Variants in SNX13 observed in about 807,000 individuals in gnomAD.
SNX13 encodes the protein sorting nexin-13.
A neutral mutation model predicts 133.6 loss-of-function variants in SNX13; 45 were observed. The observed-to-expected ratio is 0.34, with a 90% CI of 0.27 to 0.43. The LOEUF (loss-of-function observed/expected upper bound fraction) is 0.43, where lower values mean the gene tolerates loss of function less well. Among genes scored for constraint, SNX13 ranks in the 20% least tolerant of loss-of-function variants. The pLI is 1.00. For missense variants in SNX13, 1,032 were observed against 1,145.1 expected (o/e 0.90, Z 1.43); for synonymous variants, 414 against 373.9 (o/e 1.11, Z -1.24).
rs57618763 is a variant in SNX13, at chr7:17,877,045, G to GAAAAAAA, written c.441-1262_441-1256dup. ...GCTGACTTAATTACTGTTACTTTTT[G>GAAAAAAA]AAAAAAAAAAAAAAAAAAAAAAAGC... is the stretch of plus-strand genomic sequence containing the variant. On this transcript the variant is annotated intron_variant, in intron 5 of 25. Transcript: ENST00000428135. 3.3e-5 allele frequency among the ~76,000 whole-genome samples: 2 copies of GAAAAAAA among 60,064 alleles called. 1 individual carries two copies. Among genetic ancestry groups the GAAAAAAA allele is most frequent in the East Asian group, 8.6e-4 (2 of 2,324 alleles). The allele number at this position is 60,064 out of a possible 152,430, so 39.4% of individuals were successfully genotyped here. A position where few individuals can be genotyped will look rare whatever the true frequency, so the allele number is the denominator to read the frequency against.
rs1362874800 is a variant in SNX13 at position 17,839,822 on chromosome 7, C to G, written c.1344G>C (p.Gln448His). 18 of 1,608,408 alleles carry G rather than the reference C, an allele frequency of 1.1e-5. No individual in the cohort carries two copies. The highest frequency in any genetic ancestry group is 1.4e-5 in the Non-Finnish European group (17 of 1,177,028). The change falls in exon 13 of 26, where the codon CAG (glutamine) becomes CAC (histidine). Residue 448 changes from glutamine to histidine, a missense_variant. Gln to His is a conservative substitution (Grantham distance 24). Coordinates refer to ENST00000428135, the MANE Select transcript of SNX13 (RefSeq NM_015132.5). ...LRAAAVGIYE[Q>H]YLSEKASPRV... ...ACAGCCTCACCTTTTCTGATAAATACTGTTCATAAATTCCAACAGCAGCTG... is the reference window on the plus strand; with the variant it reads ...ACAGCCTCACCTTTTCTGATAAATAGTGTTCATAAATTCCAACAGCAGCTG...
chr7:17,834,455 C>T (rs1370999869), intron 14 of SNX13, among the ~76,000 whole-genome samples: 2 of 151,772 alleles, frequency 1.3e-5, no homozygotes, highest in African/African-American at 4.8e-5. Flanking sequence ...AGGTTCAAGG[C>T]TCATGTTAAA....
chr7:17,812,833 A>G (rs1181052868), intron 20 of SNX13, among the ~76,000 whole-genome samples: 8 of 152,216 alleles, frequency 5.3e-5, no homozygotes, highest in Admixed American at 6.5e-5. Context: ...GGATGAGTTC[A>G]TGTCCTTTAC....
At chr7:17,876,049 G>A (rs982316342) in intron 5 of SNX13, among the ~76,000 whole-genome samples, 10 of 152,106 alleles carry the variant, frequency 6.6e-5, no homozygotes, top group Non-Finnish European at 1.5e-4. Flanking sequence ...GTTTAAAATA[G>A]AAAAAGAAAT....
At chr7:17,799,757 T>C (rs1046898279) in intron 22 of SNX13, among the ~76,000 whole-genome samples, 11 of 151,796 alleles carry the variant, frequency 7.2e-5, no homozygotes, top group Middle Eastern at 3.4e-3. Context: ...TATGGGAGTA[T>C]ACAACCACTA....
Position 17,940,316 on chromosome 7 carries a change from A to G in SNX13, c.-21T>C. 1 of 1,564,748 alleles carries G rather than the reference A, an allele frequency of 6.4e-7. No individual in the cohort carries two copies. Among genetic ancestry groups the G allele is most frequent in the Non-Finnish European group, 8.7e-7 (1 of 1,154,682 alleles). On this transcript the variant is annotated 5_prime_UTR_variant, in exon 1 of 26. Transcript: ENST00000428135. ...AACATTATTACACCCCGGGGAAGTG[A>G]GGTCCTCCCTAGCCTCGCCTCATGG... is the stretch of plus-strand genomic sequence containing the variant.
intron 9 of SNX13, chr7:17,868,192 G>T (rs754526166): frequency 4.2e-6 from 2 of 478,040 alleles, no homozygotes; most frequent in Non-Finnish European, 7.3e-6. Flanking sequence ...CACCATAACC[G>T]CAAGGAAGAT....
intron 18 of SNX13, among the ~76,000 whole-genome samples, chr7:17,818,340 A>G (rs1464145416): frequency 6.6e-6 from 1 of 152,190 alleles, no homozygotes; most frequent in Non-Finnish European, 1.5e-5. Flanking sequence ...TAAAATATTA[A>G]ACCTTACTAA....
At chr7:17,829,867 T>A in intron 16 of SNX13, 143 bp downstream of exon 16, 1 of 483,636 alleles carries the variant, frequency 2.1e-6, no homozygotes, top group Middle Eastern at 6.1e-4. Flanking sequence ...AACTTAGCAT[T>A]TCTTTAAAAG....
At chr7:17,860,754 C>A (rs1792575402) in intron 9 of SNX13, among the ~76,000 whole-genome samples, 1 of 152,174 alleles carries the variant, frequency 6.6e-6, no homozygotes, top group South Asian at 2.1e-4. Flanking sequence ...CAAATCTATG[C>A]AGATCATTTG....
intron 15 of SNX13, chr7:17,831,150 T>C (rs962151209): frequency 4.1e-6 from 4 of 984,206 alleles, no homozygotes; most frequent in African/African-American, 3.5e-5. Flanking sequence ...GGGAGCAAAA[T>C]AGGGCATAGT....
In SNX13 at chr7:17,814,949, C is replaced by G; in HGVS notation, c.1954-5G>C. The G allele has an allele frequency of 8.1e-7, 1 of 1,240,686 alleles. No homozygotes were observed. The highest frequency in any genetic ancestry group is 9.9e-7 in the Non-Finnish European group (1 of 1,007,440). The allele number at this position is 1,240,686 out of a possible 1,614,324, so 76.9% of individuals were successfully genotyped here. A position where few individuals can be genotyped will look rare whatever the true frequency, so the allele number is the denominator to read the frequency against. On this transcript the variant is annotated splice_polypyrimidine_tract_variant and splice_region_variant and intron_variant, in intron 19 of 25. Transcript: ENST00000428135. ...CATTTCAGGAGCTAACAGTAACTAA[C>G]AAGAAAAAAAAAAAAAAGAAGAGAT...
Position 17,834,778 on chromosome 7 carries a change from C to G in SNX13, c.1447G>C (p.Asp483His). Reference protein sequence around the residue: ...NHEDPTPEIFDDIQRKVYELM... With the variant: ...NHEDPTPEIFHDIQRKVYELM... ...AATAATACCTTTCTTTGAATGTCAT[C>G]AAAGATTTCAGGGGTTGGATCTTCA... The change falls in exon 14 of 26, where the codon GAT (aspartate) becomes CAT (histidine). Residue 483 changes from aspartate to histidine, a missense_variant. Transcript: ENST00000428135. The G allele has an allele frequency of 1.2e-6, 2 of 1,605,240 alleles. No individual in the cohort carries two copies. Among genetic ancestry groups the G allele is most frequent in the Non-Finnish European group, 1.7e-6 (2 of 1,173,446 alleles).
chr7:17,911,795 G>C (rs1055477758), intron 1 of SNX13, among the ~76,000 whole-genome samples: 3 of 152,048 alleles, frequency 2.0e-5, no homozygotes, highest in African/African-American at 7.2e-5. Flanking sequence ...CTATACCCAA[G>C]GATAGAAATC....
chr7:17,896,311 G>C (rs1469094366), intron 2 of SNX13, among the ~76,000 whole-genome samples: 2 of 152,136 alleles, frequency 1.3e-5, no homozygotes, highest in African/African-American at 4.8e-5. Context: ...ATAAAATACA[G>C]TTTTATGGAG....
At chr7:17,870,136 C>T (rs541223292) in intron 8 of SNX13, among the ~76,000 whole-genome samples, 1 of 152,110 alleles carries the variant, frequency 6.6e-6, no homozygotes, top group Non-Finnish European at 1.5e-5. Context: ...ACTTTAAGAC[C>T]TCCAATTTTT....
chr7:17,802,910 T>C (rs1255940722), intron 21 of SNX13, among the ~76,000 whole-genome samples: 1 of 152,098 alleles, frequency 6.6e-6, no homozygotes, highest in African/African-American at 2.4e-5. Flanking sequence ...CCCTGTGAAA[T>C]TCTTCTATGA....
rs965476559 is a variant in SNX13, at chr7:17,875,561, C to G, written c.583G>C (p.Asp195His). The change falls in exon 7 of 26, where the codon GAT becomes CAT. Residue 195 changes from aspartate to histidine, a missense_variant. Coordinates refer to ENST00000428135, the MANE Select transcript of SNX13 (RefSeq NM_015132.5). ...TCAACTTCAACTTCAAAGAAGGTATCTACAAGATCTTCTGCTGTACCTAAA... is the reference window on the plus strand; with the variant it reads ...TCAACTTCAACTTCAAAGAAGGTATGTACAAGATCTTCTGCTGTACCTAAA... The part of the protein sequence containing the change: ...QVKGTAEDLV[D>H]TFFEVEVEME... The G allele has an allele frequency of 3.9e-5, 63 of 1,611,130 alleles. No individual in the cohort carries two copies. Among genetic ancestry groups the G allele is most frequent in the Non-Finnish European group, 5.3e-5 (63 of 1,179,352 alleles).
At chr7:17,826,168 A>G (rs1562710666) in intron 16 of SNX13, 77 bp from the exon 17 acceptor site, 4 of 824,752 alleles carry the variant, frequency 4.8e-6, no homozygotes, top group Non-Finnish European at 7.6e-6. Flanking sequence ...TACATCATAT[A>G]TGCATTACAA....
Sources: allele counts gnomAD v4.1 joint callset (sites outside exome capture counted in the v4.1 genomes callset), GRCh38; gene constraint gnomAD v4.1.1; transcripts MANE v1.5; gene names NCBI Gene and HGNC (gene_info 2026-07-23, HGNC 2026-07-21).